Variants in CDH8 observed in about 807,000 individuals in gnomAD.
The protein encoded by CDH8 is cadherin-8.
CDH8 carries 17 observed loss-of-function variants against 68.1 expected under a neutral mutation model. That is an observed-to-expected ratio of 0.25 (90% CI 0.17 to 0.37). The LOEUF (loss-of-function observed/expected upper bound fraction) is 0.37, where lower values mean the gene tolerates loss of function less well. Ranked by LOEUF, CDH8 falls within the 10% of genes least tolerant of loss-of-function variation. The pLI is 1.00. For missense variants in CDH8, 763 were observed against 999.3 expected (o/e 0.76, Z 3.19); for synonymous variants, 372 against 365.1 (o/e 1.02, Z -0.21).
chr16:61,663,331 T>C lies in CDH8; in HGVS notation c.1655-7610A>G, dbSNP rs1034334743. Among the ~76,000 whole-genome samples the C allele has an allele frequency of 3.9e-5, 6 of 152,064 alleles. No homozygotes were observed. The South Asian group carries it at 6.2e-4, about 16-fold the overall frequency. On this transcript the variant is annotated intron_variant, in intron 10 of 11. Transcript: ENST00000577390. The stretch of plus-strand genomic sequence containing the variant: ...TTTTATTCTTAGTTTTGTGTAATTG[T>C]GTTTTTCAAGTAATTTGTTAGGTTT...
intron 7 of CDH8, among the ~76,000 whole-genome samples, chr16:61,816,823 G>T (rs1962085918): frequency 6.6e-6 from 1 of 151,890 alleles, no homozygotes; most frequent in African/African-American, 2.4e-5. Flanking sequence ...CTTTAATAAA[G>T]AATTATTTCG....
intron 8 of CDH8, among the ~76,000 whole-genome samples, chr16:61,788,561 T>C (rs1172690607): frequency 6.6e-6 from 1 of 152,064 alleles, no homozygotes; most frequent in Admixed American, 6.6e-5. Flanking sequence ...CCCTTTTCCA[T>C]TTTTTGTATA....
chr16:61,929,010 G>C (rs574719621), intron 2 of CDH8, among the ~76,000 whole-genome samples: 1 of 152,102 alleles, frequency 6.6e-6, no homozygotes, highest in South Asian at 2.1e-4. Context: ...CCGGGTTCAC[G>C]CCATTCTCCT....
At chr16:61,879,937 T>C (rs1963538296) in intron 3 of CDH8, among the ~76,000 whole-genome samples, 1 of 152,076 alleles carries the variant, frequency 6.6e-6, no homozygotes. Flanking sequence ...TTGGTTTGTT[T>C]TTTTTTGAGA....
rs970296778 is a variant in CDH8 at position 61,914,500 on chromosome 16, A to AT, written c.253-13028dup. ...AAATTAAGCACCTTGAGGTAGGGAG[A>AT]TTTTTTTTTTCTGGATTATCCAAGT... On this transcript the variant is annotated intron_variant, in intron 2 of 11. Coordinates refer to ENST00000577390, the MANE Select transcript of CDH8 (RefSeq NM_001796.5). Among the ~76,000 whole-genome samples, 309 of 150,140 alleles carry AT rather than the reference A, an allele frequency of 2.1e-3. 5 individuals are homozygous for AT. The highest frequency in any genetic ancestry group is 5.0e-4 in the Non-Finnish European group (34 of 67,406).
intron 10 of CDH8, among the ~76,000 whole-genome samples, chr16:61,700,278 G>GTT (rs56012802): frequency 1.1e-4 from 15 of 136,512 alleles, no homozygotes; most frequent in Admixed American, 1.5e-4. Context: ...ATTTTTAGTT[G>GTT]TTTTTTTTTT....
chr16:61,842,545 A>G (rs538845544), intron 4 of CDH8, among the ~76,000 whole-genome samples: 16 of 152,288 alleles, frequency 1.1e-4, no homozygotes, highest in Admixed American at 4.6e-4. Flanking sequence ...TAAATTATCC[A>G]GTCTGTGGTA....
intron 2 of CDH8, among the ~76,000 whole-genome samples, chr16:61,959,875 A>G (rs1965059169): frequency 6.8e-6 from 1 of 146,576 alleles, no homozygotes; most frequent in South Asian, 2.1e-4. Context: ...GTGCATATAT[A>G]TGTGTATATG....
chr16:61,861,830 T>C (rs1597024892), intron 3 of CDH8, among the ~76,000 whole-genome samples: 1 of 152,292 alleles, frequency 6.6e-6, no homozygotes. Flanking sequence ...GAGATAATTA[T>C]ATGGATTACT....
intron 2 of CDH8, 33 bp downstream of exon 2, chr16:62,021,119 C>T (rs1348730552): frequency 6.3e-7 from 1 of 1,588,432 alleles, no homozygotes; most frequent in Admixed American, 1.7e-5. Flanking sequence ...CACTAACAGA[C>T]CCTGAAATTG....
At chr16:61,864,052 C>T (rs1963205091) in intron 3 of CDH8, among the ~76,000 whole-genome samples, 1 of 152,144 alleles carries the variant, frequency 6.6e-6, no homozygotes, top group African/African-American at 2.4e-5. Context: ...GCCATGACAA[C>T]CTTTTTTGGG....
chr16:61,902,680 T>C (rs1963997297), intron 2 of CDH8, among the ~76,000 whole-genome samples: 1 of 151,840 alleles, frequency 6.6e-6, no homozygotes, highest in South Asian at 2.1e-4. Flanking sequence ...CTCTTTCACG[T>C]TCTTCAACAA....
chr16:61,978,696 T>G (rs1234172610), intron 2 of CDH8, among the ~76,000 whole-genome samples: 3 of 152,138 alleles, frequency 2.0e-5, no homozygotes, highest in Non-Finnish European at 4.4e-5. Context: ...GGCAAGCTCG[T>G]GTATGTTGTA....
intron 2 of CDH8, among the ~76,000 whole-genome samples, chr16:61,941,760 TG>T (rs1964728700): frequency 6.6e-6 from 1 of 152,186 alleles, no homozygotes; most frequent in Admixed American, 6.5e-5. Flanking sequence ...TGTTTTGTTT[TG>T]TTTTGCTTTT....
rs1016166763 is a variant in CDH8 at position 61,648,743 on chromosome 16, T to C, written c.*4865A>G. The C allele has an allele frequency of 2.0e-5, 3 of 151,992 alleles. No individual in the cohort carries two copies. Among genetic ancestry groups the C allele is most frequent in the Non-Finnish European group, 2.9e-5 (2 of 67,930 alleles). The allele number at this position is 151,992 out of a possible 1,614,324, so 9.4% of individuals were successfully genotyped here. A position where few individuals can be genotyped will look rare whatever the true frequency, so the allele number is the denominator to read the frequency against. On this transcript the variant is annotated 3_prime_UTR_variant, in exon 12 of 12. Coordinates refer to ENST00000577390, the MANE Select transcript of CDH8 (RefSeq NM_001796.5). The stretch of plus-strand genomic sequence containing the variant: ...CCATGTAGCTTAATTTCTGTACTGA[T>C]AGATACTCAATAAATGTGACAGACA...
intron 3 of CDH8, among the ~76,000 whole-genome samples, chr16:61,864,292 CGGTTGGTTGGTTGGTTGGTT>C (rs59862418): frequency 9.6e-5 from 14 of 146,096 alleles, no homozygotes; most frequent in East Asian, 4.1e-4. Context: ...GCTGGATGTC[CGGTTGGTTGGTTGGTTGGTT>C]GGTTGGTTGG....
chr16:61,794,841 T>C (rs779586601), intron 7 of CDH8, among the ~76,000 whole-genome samples: 3 of 152,052 alleles, frequency 2.0e-5, no homozygotes, highest in Non-Finnish European at 2.9e-5. Flanking sequence ...TTTGTATTCA[T>C]ATTGAGTAGT....
chr16:61,676,118 T>A (rs1005981487), intron 10 of CDH8, among the ~76,000 whole-genome samples: 2 of 145,036 alleles, frequency 1.4e-5, no homozygotes, highest in East Asian at 2.0e-4. Flanking sequence ...TTTAAAAACT[T>A]AGTAAGATAC....
intron 3 of CDH8, among the ~76,000 whole-genome samples, chr16:61,894,423 G>T (rs1162257081): frequency 6.6e-6 from 1 of 152,052 alleles, no homozygotes; most frequent in East Asian, 1.9e-4. Context: ...ATTTGATGAG[G>T]TCTGTGTATT....
Sources: gnomAD v4.1 joint callset for allele counts (sites outside exome capture counted in the v4.1 genomes callset) on GRCh38, gnomAD v4.1.1 for gene constraint, MANE v1.5 for transcripts, NCBI Gene and HGNC (gene_info 2026-07-23, HGNC 2026-07-21) for gene names.